Variants in PLD1 observed in about 807,000 individuals in gnomAD.
PLD1 encodes phospholipase D1.
A neutral mutation model predicts 137.1 loss-of-function variants in PLD1; 112 were observed. The ratio of observed to expected loss-of-function variants is 0.82; its 90% CI spans 0.70 to 0.96. The LOEUF (loss-of-function observed/expected upper bound fraction) is 0.96, where lower values mean the gene tolerates loss of function less well. Among genes scored for constraint, PLD1 ranks in the 40% least tolerant of loss-of-function variants. The pLI, the probability that PLD1 is intolerant of heterozygous loss-of-function variation, is 0.00. For missense variants in PLD1, 1,321 were observed against 1,342.0 expected (o/e 0.98, Z 0.24); for synonymous variants, 431 against 454.7 (o/e 0.95, Z 0.66).
intron 1 of PLD1, among the ~76,000 whole-genome samples, chr3:171,803,131 C>G (rs1270111826): frequency 1.3e-5 from 2 of 152,216 alleles, no homozygotes; most frequent in African/African-American, 2.4e-5. Flanking sequence ...GGAAGGCCAG[C>G]TCTTCAGGAG....
In PLD1 at chr3:171,687,397, C is replaced by T. The variant is rs1560216532; in HGVS notation, c.1727G>A (p.Ser576Asn). The T allele has an allele frequency of 1.2e-6, 2 of 1,614,038 alleles. No individual in the cohort carries two copies. Among genetic ancestry groups the T allele is most frequent in the Non-Finnish European group, 8.5e-7 (1 of 1,180,006 alleles). ...GGAGGTGCTGTCAATGCTGCTGATG[C>T]TATCTGCGTCGTGCAGGTGGTGCCT... ...LHRHHLHDAD[S>N]ISSIDSTSSY... The change falls in exon 15 of 27, where the codon AGC (serine) becomes AAC (asparagine). Residue 576 changes from serine to asparagine, a missense_variant. By Grantham distance (46) the Ser-to-Asn change is conservative. Coordinates refer to ENST00000351298, the MANE Select transcript of PLD1 (RefSeq NM_002662.5).
chr3:171,741,631 T>G (rs1273111560), intron 1 of PLD1, among the ~76,000 whole-genome samples: 6 of 152,206 alleles, frequency 3.9e-5, no homozygotes. Context: ...CATGGAGAGA[T>G]AAGAGCAGCT....
chr3:171,733,956 A>G (rs969196443), intron 5 of PLD1, among the ~76,000 whole-genome samples: 4 of 152,178 alleles, frequency 2.6e-5, no homozygotes, highest in Admixed American at 6.5e-5. Context: ...TTTCTAGTAG[A>G]ATGTACTGAT....
At chr3:171,737,088 G>A (rs1288953608) in intron 3 of PLD1, among the ~76,000 whole-genome samples, 9 of 152,164 alleles carry the variant, frequency 5.9e-5, no homozygotes, top group Admixed American at 1.3e-4. Flanking sequence ...CCAGTATCCC[G>A]GCTTTTTTTC....
At chr3:171,646,506 A>C (rs909091222) in intron 21 of PLD1, among the ~76,000 whole-genome samples, 1 of 152,160 alleles carries the variant, frequency 6.6e-6, no homozygotes, top group Non-Finnish European at 1.5e-5. Flanking sequence ...GCTAAGAAAC[A>C]AGGATCTTGA....
intron 5 of PLD1, 39 bp from the exon 6 acceptor site, chr3:171,733,548 A>C: frequency 1.3e-6 from 1 of 776,788 alleles, no homozygotes; most frequent in Non-Finnish European, 2.3e-6. Flanking sequence ...TAACATGGTC[A>C]TATTTATTTT....
chr3:171,686,883 C>G, intron 15 of PLD1, 85 bp from the exon 16 acceptor site: 1 of 670,174 alleles, frequency 1.5e-6, no homozygotes, highest in Non-Finnish European at 2.6e-6. Context: ...TTTTTAAAAC[C>G]AGGCAGGGCT....
At chr3:171,710,039 C>G (rs1239563662) in intron 9 of PLD1, among the ~76,000 whole-genome samples, 1 of 151,732 alleles carries the variant, frequency 6.6e-6, no homozygotes, top group Non-Finnish European at 1.5e-5. Flanking sequence ...CTGTTGGCTC[C>G]CGTACAGCAG....
chr3:171,688,731 G>A lies in PLD1; in HGVS notation c.1484C>T (p.Thr495Ile). The A allele has an allele frequency of 6.2e-7, 1 of 1,614,156 alleles. No individual in the cohort carries two copies. Among genetic ancestry groups the A allele is most frequent in the Admixed American group, 1.7e-5 (1 of 60,024 alleles). The change falls in exon 14 of 27, where the codon ACA becomes ATA. Residue 495 changes from threonine to isoleucine, a missense_variant. Transcript: ENST00000351298. ...GRWDDNEHRL[T>I]DVGSVKRVTS... ...GACCCGCTTCACACTGCCCACGTCT[G>A]TGAGTCTGTGCTCATTGTCGTCCCA...
chr3:171,792,858 G>A (rs1216689612), intron 1 of PLD1: 1 of 369,856 alleles, frequency 2.7e-6, no homozygotes, highest in Non-Finnish European at 5.4e-6. Context: ...AGCTATGGCT[G>A]AGGTGGAGCC....
At chr3:171,790,509 G>A (rs1723172499) in intron 1 of PLD1, among the ~76,000 whole-genome samples, 1 of 152,166 alleles carries the variant, frequency 6.6e-6, no homozygotes, top group South Asian at 2.1e-4. Context: ...TAATGGCCAG[G>A]AGAAGAGAAG....
At chr3:171,805,310 G>A (rs1456477519) in intron 1 of PLD1, among the ~76,000 whole-genome samples, 1 of 152,150 alleles carries the variant, frequency 6.6e-6, no homozygotes, top group Non-Finnish European at 1.5e-5. Context: ...TAGGAGCAAC[G>A]GGGGAAGCAA....
intron 23 of PLD1, among the ~76,000 whole-genome samples, chr3:171,635,427 T>TTCA (rs374251357): frequency 4.6e-5 from 7 of 151,654 alleles, no homozygotes; most frequent in Middle Eastern, 3.4e-3. Context: ...TTGCCAATAC[T>TTCA]TTATTATTAT....
chr3:171,698,457 T>TG (rs763914857), intron 12 of PLD1, among the ~76,000 whole-genome samples: 7 of 152,194 alleles, frequency 4.6e-5, no homozygotes, highest in Non-Finnish European at 1.0e-4. Flanking sequence ...CAGTGAGGTC[T>TG]GACTATATTT....
intron 21 of PLD1, among the ~76,000 whole-genome samples, chr3:171,650,564 C>G (rs892734728): frequency 2.0e-5 from 3 of 152,200 alleles, no homozygotes; most frequent in Middle Eastern, 3.4e-3. Flanking sequence ...GAGTAGAACC[C>G]TGATGCTGAA....
At chr3:171,678,467 G>A (rs985543961) in intron 16 of PLD1, among the ~76,000 whole-genome samples, 5 of 152,274 alleles carry the variant, frequency 3.3e-5, no homozygotes, top group South Asian at 2.1e-4. Flanking sequence ...TAACTGTGCC[G>A]AGACCATTGA....
intron 1 of PLD1, among the ~76,000 whole-genome samples, chr3:171,742,749 G>C (rs1719875066): frequency 6.6e-6 from 1 of 152,090 alleles, no homozygotes; most frequent in African/African-American, 2.4e-5. Context: ...TGCTCTCTGA[G>C]ATATAAAAAT....
At position 171,688,675 on chromosome 3, in the gene PLD1, C is replaced by G. The variant is rs752561050; in HGVS notation, c.1539+1G>C. 6.2e-7 allele frequency: 1 copy of G among 1,607,900 alleles called. No homozygotes were observed. Among genetic ancestry groups the G allele is most frequent in the Non-Finnish European group, 8.5e-7 (1 of 1,174,336 alleles). On this transcript the variant is annotated splice_donor_variant, in intron 14 of 26. Transcript: ENST00000351298. LOFTEE classifies it high-confidence loss of function. ...TTTCCATAAAGGTTAAATATACTTA[C>G]TGGGAGGGAACCCAGAGACGGTCCT...
At chr3:171,722,675 T>C (rs529452312) in intron 8 of PLD1, among the ~76,000 whole-genome samples, 1 of 152,308 alleles carries the variant, frequency 6.6e-6, no homozygotes, top group African/African-American at 2.4e-5. Context: ...ATTTAATTTT[T>C]AGATTTTTAT....
Sources: gnomAD v4.1 joint callset for allele counts (sites outside exome capture counted in the v4.1 genomes callset) on GRCh38, gnomAD v4.1.1 for gene constraint, MANE v1.5 for transcripts, NCBI Gene and HGNC (gene_info 2026-07-23, HGNC 2026-07-21) for gene names.